Variants in CCL26 observed in about 807,000 individuals in gnomAD.
CCL26 encodes the protein C-C motif chemokine ligand 26.
A neutral mutation model predicts 10.7 loss-of-function variants in CCL26; 10 were observed. The ratio of observed to expected loss-of-function variants is 0.93; its 90% CI spans 0.57 to 1.58. The LOEUF is 1.58. CCL26 is among the 40% of genes most tolerant of loss of function. The pLI, the probability that CCL26 is intolerant of heterozygous loss-of-function variation, is 0.00. For missense variants in CCL26, 116 were observed against 111.0 expected (o/e 1.05, Z -0.20); for synonymous variants, 43 against 41.4 (o/e 1.04, Z -0.15).
Position 75,769,607 on chromosome 7 carries a change from C to A in CCL26, c.*86G>T. The stretch of plus-strand genomic sequence containing the variant: ...TCTCCTCCCCAGCGGGTCCATGTAG[C>A]CTTCAGAAAAGATTCCGCAGGCTCC... On this transcript the variant is annotated 3_prime_UTR_variant, in exon 3 of 3. Coordinates refer to ENST00000005180, the MANE Select transcript of CCL26 (RefSeq NM_001371938.1). The A allele has an allele frequency of 1.2e-6, 1 of 819,306 alleles. No individual in the cohort carries two copies. The highest frequency in any genetic ancestry group is 2.1e-6 in the Non-Finnish European group (1 of 478,788). 50.8% of individuals were successfully genotyped at this position (819,306 alleles called of 1,614,324 possible).
chr7:75,790,976 C>T (rs1371109511), upstream of CCL26, among the ~76,000 whole-genome samples: 1 of 149,338 alleles, frequency 6.7e-6, no homozygotes, highest in African/African-American at 2.4e-5. Flanking sequence ...ACCCAAGAGG[C>T]ATGTCTGTCT....
At chr7:75,779,689 C>A (rs1489452735) in intron 1 of CCL26, among the ~76,000 whole-genome samples, 1 of 152,262 alleles carries the variant, frequency 6.6e-6, no homozygotes, top group Non-Finnish European at 1.5e-5. Flanking sequence ...GGGACGCGTG[C>A]CTGATTATTC....
intron 1 of CCL26, among the ~76,000 whole-genome samples, chr7:75,780,355 C>T (rs1803035656): frequency 6.6e-6 from 1 of 152,080 alleles, no homozygotes; most frequent in Non-Finnish European, 1.5e-5. Context: ...CTGGGCTTGC[C>T]TCCTTCACTA....
At chr7:75,777,698 C>A (rs1802970214) in intron 1 of CCL26, among the ~76,000 whole-genome samples, 1 of 108,212 alleles carries the variant, frequency 9.2e-6, no homozygotes, top group Non-Finnish European at 1.7e-5. Flanking sequence ...CAGGACTACC[C>A]AACAGAGTGA....
chr7:75,783,982 C>T (rs1229997414), intron 1 of CCL26, among the ~76,000 whole-genome samples: 1 of 152,100 alleles, frequency 6.6e-6, no homozygotes, highest in Non-Finnish European at 1.5e-5. Context: ...AAATTAAATT[C>T]CAGCCTCAAA....
At chr7:75,784,630 C>T (rs10263370) in intron 1 of CCL26, among the ~76,000 whole-genome samples, 79,896 of 151,760 alleles carry the variant, frequency 0.53, 21,887 homozygotes, top group African/African-American at 0.67. Flanking sequence ...ACTTGGACAA[C>T]ATTCTTTTAT....
Position 75,769,540 on chromosome 7 carries a change from T to G in CCL26, c.*153A>C. The G allele has an allele frequency of 1.8e-6, 1 of 541,128 alleles. No homozygotes were observed. The highest frequency in any genetic ancestry group is 2.9e-5 in the South Asian group (1 of 34,790). 33.5% of individuals were successfully genotyped at this position (541,128 alleles called of 1,614,324 possible). A position where few individuals can be genotyped will look rare whatever the true frequency, so the allele number is the denominator to read the frequency against. On this transcript the variant is annotated 3_prime_UTR_variant, in exon 3 of 3. Transcript: ENST00000005180. ...AAAAATGTTATGAACAAGTCAACTC[T>G]ATGAACAACCTTTATTAAAGTAACT...
chr7:75,777,159 G>T (rs1051844757), upstream of CCL26, among the ~76,000 whole-genome samples: 2 of 152,168 alleles, frequency 1.3e-5, no homozygotes, highest in Non-Finnish European at 2.9e-5. Flanking sequence ...TTGAACCTGG[G>T]AGGTGGATAT....
At chr7:75,788,175 T>A (rs28788230) in intron 1 of CCL26, among the ~76,000 whole-genome samples, 4 of 152,156 alleles carry the variant, frequency 2.6e-5, no homozygotes, top group Admixed American at 2.0e-4. Flanking sequence ...GTCAGGCCTC[T>A]GAGCCCAAGC....
In CCL26 at chr7:75,771,988, GAT is replaced by G. The variant is rs782340530; in HGVS notation, c.87_88del (p.Ser30GlnfsTer21). ...GCTGTATTGGAAGCAGCAGGTCTTG[GAT>G]ATGTCACTCCCACCTAAAAATCAGG... is the stretch of plus-strand genomic sequence containing the variant. On this transcript the variant is annotated frameshift_variant, in exon 2 of 3. Transcript: ENST00000005180. LOFTEE classifies it high-confidence loss of function. 3 of 1,613,748 alleles carry G rather than the reference GAT, an allele frequency of 1.9e-6. No homozygotes were observed. Among genetic ancestry groups the G allele is most frequent in the Non-Finnish European group, 2.5e-6 (3 of 1,179,602 alleles).
In CCL26 at chr7:75,785,156, A is replaced by G. The variant is rs1393955223; in HGVS notation, c.-79+4561T>C. Among the ~76,000 whole-genome samples, 3 of 151,536 alleles carry G rather than the reference A, an allele frequency of 2.0e-5. No homozygotes were observed. In the East Asian group the frequency reaches 5.8e-4, roughly 29 times the overall value. On this transcript the variant is annotated intron_variant, in intron 1 of 3. Coordinates refer to the CCL26 transcript ENST00000394905. ...TCAATACCTTCCTCCACAACTCACT[A>G]TTTTGTTCTTGATCTTAAAGATGCT...
intron 1 of CCL26, among the ~76,000 whole-genome samples, chr7:75,786,859 T>C (rs917086211): frequency 6.6e-6 from 1 of 152,206 alleles, no homozygotes; most frequent in Non-Finnish European, 1.5e-5. Context: ...ACCTCTTCCA[T>C]GTAGGTTACA....
intron 1 of CCL26, among the ~76,000 whole-genome samples, chr7:75,780,023 A>G (rs1803026773): frequency 6.8e-6 from 1 of 146,430 alleles, no homozygotes. Flanking sequence ...CTGGGGGGCA[A>G]GCACCCCCCA....
At chr7:75,782,655 G>A (rs58915132) in intron 1 of CCL26, among the ~76,000 whole-genome samples, 41,451 of 151,856 alleles carry the variant, frequency 0.27, 6,012 homozygotes, top group African/African-American at 0.36. Flanking sequence ...ATACAAACTC[G>A]ACACTAGCTC....
intron 1 of CCL26, among the ~76,000 whole-genome samples, chr7:75,781,507 C>T (rs985568088): frequency 6.6e-6 from 1 of 152,164 alleles, no homozygotes; most frequent in Non-Finnish European, 1.5e-5. Context: ...TGTGTGGGAC[C>T]CCAATGAAAA....
upstream of CCL26, among the ~76,000 whole-genome samples, chr7:75,791,385 G>C (rs189265647): frequency 9.5e-4 from 144 of 152,216 alleles, no homozygotes; most frequent in Non-Finnish European, 1.7e-3. Context: ...GTATGCCCTT[G>C]ATGTCAGCCC....
chr7:75,790,218 TCTTCCTTCCTTC>T (rs1242802621), upstream of CCL26, among the ~76,000 whole-genome samples: 2 of 66,802 alleles, frequency 3.0e-5, no homozygotes, highest in African/African-American at 1.1e-4. Context: ...TTTCTTTCTT[TCTTCCTTCCTTC>T]CTTCCTTCCA....
At chr7:75,790,189 T>TTC (rs1158853931), upstream of CCL26, among the ~76,000 whole-genome samples, 4 of 85,566 alleles carry the variant, frequency 4.7e-5, no homozygotes, top group African/African-American at 1.8e-4. Context: ...CTTTCTTTCT[T>TTC]TCTTTCTTTC....
At chr7:75,790,432 G>T (rs570134508), upstream of CCL26, among the ~76,000 whole-genome samples, 1 of 148,750 alleles carries the variant, frequency 6.7e-6, no homozygotes, top group East Asian at 2.0e-4. Context: ...AAAAAAAATT[G>T]TAGAGATGGG....
Sources: allele counts gnomAD v4.1 joint callset (sites outside exome capture counted in the v4.1 genomes callset), GRCh38; gene constraint gnomAD v4.1.1; transcripts MANE v1.5; gene names NCBI Gene and HGNC (gene_info 2026-07-23, HGNC 2026-07-21).